Variants in RBFOX1 observed in about 807,000 individuals in gnomAD.
The protein encoded by RBFOX1 is RNA binding protein fox-1 homolog 1.
Under a neutral mutation model 57.7 loss-of-function variants are expected in RBFOX1, and 8 were observed. That is an observed-to-expected ratio of 0.14 (90% confidence interval 0.08 to 0.25). RBFOX1 has a LOEUF of 0.25. Ranked by LOEUF, RBFOX1 falls within the 10% of genes least tolerant of loss-of-function variation. The pLI, the probability that RBFOX1 is intolerant of heterozygous loss-of-function variation, is 1.00. For synonymous variants in RBFOX1, 326 were observed against 222.4 expected, an observed-to-expected ratio of 1.47 and a Z score of -4.15; for missense variants, 611 against 548.5, an observed-to-expected ratio of 1.11 and a Z score of -1.14.
intron 3 of RBFOX1, among the ~76,000 whole-genome samples, chr16:6,767,585 T>A (rs1222383027): frequency 6.6e-6 from 1 of 152,076 alleles, no homozygotes; most frequent in Non-Finnish European, 1.5e-5. Flanking sequence ...TTTGTGACAG[T>A]ATAAATCTTT....
intron 4 of RBFOX1, among the ~76,000 whole-genome samples, chr16:7,429,091 C>T (rs183380815): frequency 2.6e-5 from 4 of 152,272 alleles, no homozygotes; most frequent in African/African-American, 4.8e-5. Context: ...GGAGAGGACC[C>T]GACTCCAGAG....
At position 7,034,841 on chromosome 16, in the gene RBFOX1, C is replaced by CTTTTTTTTTTTTTTTTTTTTTTTTTTTT. The variant is rs1255430430; in HGVS notation, c.-15-17210_-15-17209insTTTTTTTTTTTTTTTTTTTTTTTTTTTT. On this transcript the variant is annotated intron_variant, in intron 3 of 15. Coordinates refer to ENST00000550418, the MANE Select transcript of RBFOX1 (RefSeq NM_018723.4). The stretch of plus-strand genomic sequence containing the variant: ...ATATTGCATTACTTTTTTTTTTTTT[C>CTTTTTTTTTTTTTTTTTTTTTTTTTTTT]TTTTTTCTTTTTTTTTTTTTTTTTT... Among the ~76,000 whole-genome samples the CTTTTTTTTTTTTTTTTTTTTTTTTTTTT allele has an allele frequency of 4.1e-4, 16 of 39,150 alleles. 1 individual carries two copies. Among genetic ancestry groups the CTTTTTTTTTTTTTTTTTTTTTTTTTTTT allele is most frequent in the South Asian group, 1.4e-3 (1 of 730 alleles). The allele number at this position is 39,150 out of a possible 152,430, so 25.7% of individuals were successfully genotyped here. A position where few individuals can be genotyped will look rare whatever the true frequency, so the allele number is the denominator to read the frequency against.
intron 4 of RBFOX1, among the ~76,000 whole-genome samples, chr16:7,490,694 A>C (rs756008335): frequency 6.6e-6 from 1 of 152,210 alleles, no homozygotes; most frequent in Non-Finnish European, 1.5e-5. Context: ...GTCCAAGTTC[A>C]ACTCTGGTTG....
chr16:5,545,746 G>C (rs114473346), intron 2 of RBFOX1, among the ~76,000 whole-genome samples: 3,335 of 152,168 alleles, frequency 0.022, 151 homozygotes, highest in African/African-American at 0.077. Flanking sequence ...ACTTAATAGT[G>C]AAAGACTGAA....
chr16:7,238,334 AAAAT>A (rs1008678410), intron 4 of RBFOX1, among the ~76,000 whole-genome samples: 10 of 150,224 alleles, frequency 6.7e-5, no homozygotes, highest in South Asian at 2.1e-4. Flanking sequence ...TGGTAAAAAA[AAAAT>A]AAATAAATAA....
chr16:7,640,770 A>C (rs1252234746), intron 11 of RBFOX1, among the ~76,000 whole-genome samples: 1 of 152,148 alleles, frequency 6.6e-6, no homozygotes, highest in East Asian at 1.9e-4. Flanking sequence ...ACTCCTTGAC[A>C]AAACTCACCC....
intron 1 of RBFOX1, among the ~76,000 whole-genome samples, chr16:6,134,995 C>G (rs1422571686): frequency 2.6e-5 from 4 of 152,174 alleles, no homozygotes; most frequent in East Asian, 1.9e-4. Flanking sequence ...TCCGTCCCCC[C>G]TCCCCTGACC....
chr16:7,577,323 G>C (rs1204953084), intron 5 of RBFOX1, among the ~76,000 whole-genome samples: 1 of 152,022 alleles, frequency 6.6e-6, no homozygotes, highest in Non-Finnish European at 1.5e-5. Flanking sequence ...GACTATCTTT[G>C]AAACCTGTCC....
intron 3 of RBFOX1, among the ~76,000 whole-genome samples, chr16:6,972,240 G>C (rs1051248755): frequency 1.3e-5 from 2 of 152,012 alleles, no homozygotes; most frequent in Admixed American, 1.3e-4. Flanking sequence ...TATTAACTCT[G>C]TAACTCCCCT....
At chr16:6,440,121 G>C (rs1597275835) in intron 2 of RBFOX1, among the ~76,000 whole-genome samples, 1 of 151,844 alleles carries the variant, frequency 6.6e-6, no homozygotes, top group Non-Finnish European at 1.5e-5. Flanking sequence ...ATTTTTAGTA[G>C]AGACGGGGCT....
chr16:6,463,303 A>G (rs143621815), intron 2 of RBFOX1, among the ~76,000 whole-genome samples: 1 of 152,316 alleles, frequency 6.6e-6, no homozygotes, highest in African/African-American at 2.4e-5. Flanking sequence ...ATGTGTGCAT[A>G]TACTCACACA....
chr16:6,970,833 A>C (rs1047708461), intron 3 of RBFOX1, among the ~76,000 whole-genome samples: 3 of 152,174 alleles, frequency 2.0e-5, no homozygotes, highest in Non-Finnish European at 4.4e-5. Flanking sequence ...ACTACTTGGA[A>C]TATTCAGCAT....
chr16:6,641,086 G>C (rs1206842236), intron 2 of RBFOX1, among the ~76,000 whole-genome samples: 1 of 152,194 alleles, frequency 6.6e-6, no homozygotes, highest in Non-Finnish European at 1.5e-5. Flanking sequence ...TGCTTAAATG[G>C]AGTGCACTAA....
intron 2 of RBFOX1, among the ~76,000 whole-genome samples, chr16:6,396,117 G>C (rs1314960013): frequency 6.7e-6 from 1 of 149,000 alleles, no homozygotes; most frequent in Non-Finnish European, 1.5e-5. Flanking sequence ...TCTTATGGCA[G>C]TAACAGAGTA....
intron 3 of RBFOX1, among the ~76,000 whole-genome samples, chr16:6,830,576 G>T (rs1339973590): frequency 1.3e-5 from 2 of 152,126 alleles, no homozygotes; most frequent in East Asian, 3.9e-4. Flanking sequence ...GAATGGGGTG[G>T]GGAAATTGAT....
intron 3 of RBFOX1, among the ~76,000 whole-genome samples, chr16:5,697,362 A>G (rs2050876900): frequency 6.6e-6 from 1 of 151,284 alleles, no homozygotes; most frequent in South Asian, 2.1e-4. Flanking sequence ...AACTCATATA[A>G]TATGAATAAT....
At chr16:6,182,483 T>C (rs2097071398) in intron 1 of RBFOX1, among the ~76,000 whole-genome samples, 1 of 152,200 alleles carries the variant, frequency 6.6e-6, no homozygotes, top group African/African-American at 2.4e-5. Flanking sequence ...TTTTATTGTG[T>C]TTGCCAACAC....
At chr16:5,299,038 A>G (rs1407955933) in intron 1 of RBFOX1, among the ~76,000 whole-genome samples, 1 of 144,760 alleles carries the variant, frequency 6.9e-6, no homozygotes, top group African/African-American at 2.6e-5. Context: ...CAAAATTTAG[A>G]ATGTTTCTAT....
intron 4 of RBFOX1, among the ~76,000 whole-genome samples, chr16:7,101,350 A>G (rs2062662512): frequency 1.3e-5 from 2 of 152,198 alleles, no homozygotes; most frequent in Admixed American, 6.5e-5. Flanking sequence ...ATAAAAGGGA[A>G]TTTAGGAAGA....
Sources: gnomAD v4.1 joint callset for allele counts (sites outside exome capture counted in the v4.1 genomes callset) on GRCh38, gnomAD v4.1.1 for gene constraint, MANE v1.5 for transcripts, NCBI Gene and HGNC (gene_info 2026-07-23, HGNC 2026-07-21) for gene names.